Variants in THSD7B observed in about 807,000 individuals in gnomAD.
THSD7B encodes thrombospondin type 1 domain containing 7B.
Under a neutral mutation model 213.6 loss-of-function variants are expected in THSD7B, and 138 were observed. That is an observed-to-expected ratio of 0.65 (90% CI 0.56 to 0.74). The LOEUF (loss-of-function observed/expected upper bound fraction) is 0.74. Ranked by LOEUF, THSD7B falls within the 30% of genes least tolerant of loss-of-function variation. The probability of loss-of-function intolerance (pLI) is 0.00; values close to 1 mark genes in which losing one functional copy is unlikely to be tolerated. For synonymous variants in THSD7B, 742 were observed against 687.0 expected (o/e 1.08, Z -1.25); for missense variants, 1,931 against 1,991.5 (o/e 0.97, Z 0.58).
chr2:137,481,096 C>G (rs372831088), intron 15 of THSD7B, among the ~76,000 whole-genome samples: 1 of 152,202 alleles, frequency 6.6e-6, no homozygotes, highest in African/African-American at 2.4e-5. Flanking sequence ...AGAGAACGAC[C>G]TTTATCAGAC....
At chr2:136,893,532 G>A (rs1322735721) in intron 2 of THSD7B, among the ~76,000 whole-genome samples, 4 of 152,134 alleles carry the variant, frequency 2.6e-5, no homozygotes, top group African/African-American at 7.2e-5. Context: ...ACATATCAGA[G>A]TGGAATTGAA....
Position 137,303,296 on chromosome 2 carries a change from A to G in THSD7B, c.2500+27270A>G, listed in dbSNP as rs115729368. 2.3e-3 allele frequency among the ~76,000 whole-genome samples: 343 copies of G among 152,314 alleles called. 2 individuals are homozygous for G. The highest frequency in any genetic ancestry group is 8.0e-3 in the African/African-American group (331 of 41,592). On this transcript the variant is annotated intron_variant, in intron 12 of 27. Transcript: ENST00000409968. ...TTCAGCCTCCCAAAGTTTTGAGATG[A>G]CAGGCATGAGCCACTGCCTCCAGCC...
At chr2:137,444,940 T>C (rs774542381) in intron 14 of THSD7B, among the ~76,000 whole-genome samples, 1 of 151,750 alleles carries the variant, frequency 6.6e-6, no homozygotes, top group African/African-American at 2.4e-5. Flanking sequence ...AGTTGAAAAA[T>C]AGGCAAAACA....
intron 1 of THSD7B, among the ~76,000 whole-genome samples, chr2:136,805,393 C>T (rs1355469745): frequency 6.6e-6 from 1 of 152,192 alleles, no homozygotes; most frequent in Admixed American, 6.5e-5. Context: ...TTTGCATCCC[C>T]ACCAATAGGA....
chr2:136,884,185 C>A (rs959324892), intron 2 of THSD7B, among the ~76,000 whole-genome samples: 2 of 152,088 alleles, frequency 1.3e-5, no homozygotes, highest in Non-Finnish European at 2.9e-5. Context: ...ACAGCACATG[C>A]GAAGTCGGCA....
At chr2:136,954,740 T>TAAAAAAAAAAAAA (rs773677139) in intron 2 of THSD7B, among the ~76,000 whole-genome samples, 1 of 137,450 alleles carries the variant, frequency 7.3e-6, no homozygotes, top group African/African-American at 3.1e-5. Flanking sequence ...AAAAAGAAAT[T>TAAAAAAAAAAAAA]ACATAAGAGC....
chr2:137,657,087 A>G lies in THSD7B; in HGVS notation c.4302A>G (p.Thr1434=). ...PCTGGKCYHY[T]WKASLWNNNE... Reference sequence around the variant, plus strand: ...CAGGAGGCAAATGTTATCACTACACATGGAAAGCAAGTCTTTGGAACAATA... The same window carrying G: ...CAGGAGGCAAATGTTATCACTACACGTGGAAAGCAAGTCTTTGGAACAATA... The change falls in exon 24 of 28, where the codon ACA becomes ACG. Residue 1434 remains threonine (T), a synonymous_variant. Coordinates refer to ENST00000409968, the MANE Select transcript of THSD7B (RefSeq NM_001316349.2). The G allele has an allele frequency of 6.2e-7, 1 of 1,614,040 alleles. No homozygotes were observed. The highest frequency in any genetic ancestry group is 8.5e-7 in the Non-Finnish European group (1 of 1,179,894).
chr2:137,576,183 A>G (rs1681457013), intron 17 of THSD7B, among the ~76,000 whole-genome samples: 1 of 152,080 alleles, frequency 6.6e-6, no homozygotes, highest in African/African-American at 2.4e-5. Flanking sequence ...CAGATTTTCT[A>G]TTTATATCTC....
At chr2:137,244,471 A>C (rs1681981194) in intron 10 of THSD7B, among the ~76,000 whole-genome samples, 1 of 152,158 alleles carries the variant, frequency 6.6e-6, no homozygotes, top group Non-Finnish European at 1.5e-5. Context: ...CTGCTAGTCC[A>C]CCTATTCTAC....
intron 2 of THSD7B, among the ~76,000 whole-genome samples, chr2:136,912,981 T>C (rs1432501507): frequency 1.3e-5 from 2 of 152,036 alleles, no homozygotes; most frequent in Admixed American, 6.6e-5. Context: ...CAGACAGAGA[T>C]TGGAAGAGTT....
rs144850946 is a variant in THSD7B at position 137,181,261 on chromosome 2, C to T, written c.1723+10323C>T. ...AGCTCTTTAGGGATAAACAGCTTTTCACTCCTTCATCGTAGAGATATTCCT... is the reference window on the plus strand; with the variant it reads ...AGCTCTTTAGGGATAAACAGCTTTTTACTCCTTCATCGTAGAGATATTCCT... On this transcript the variant is annotated intron_variant, in intron 7 of 27. Coordinates refer to ENST00000409968, the MANE Select transcript of THSD7B (RefSeq NM_001316349.2). Among the ~76,000 whole-genome samples the T allele has an allele frequency of 4.5e-4, 68 of 152,288 alleles. No individual in the cohort carries two copies. In the East Asian group the frequency reaches 0.011, roughly 24 times the overall value.
chr2:137,398,386 A>G (rs1686252355), intron 12 of THSD7B, among the ~76,000 whole-genome samples: 1 of 148,722 alleles, frequency 6.7e-6, no homozygotes, highest in African/African-American at 2.5e-5. Flanking sequence ...TCTAACAGAC[A>G]GGACCCTCAG....
intron 15 of THSD7B, chr2:137,538,418 T>A (rs1027068077): frequency 2.1e-6 from 1 of 483,260 alleles, no homozygotes; most frequent in Non-Finnish European, 4.0e-6. Context: ...ATAATAGCAG[T>A]TCCACTAATG....
chr2:136,954,714 C>CAAAAA (rs11378111), intron 2 of THSD7B, among the ~76,000 whole-genome samples: 5 of 89,384 alleles, frequency 5.6e-5, no homozygotes, highest in African/African-American at 1.7e-4. Flanking sequence ...GACTCTGTCT[C>CAAAAA]AAAAAAAAAA....
chr2:136,870,333 C>T (rs145819707), intron 1 of THSD7B, among the ~76,000 whole-genome samples: 6 of 152,058 alleles, frequency 3.9e-5, no homozygotes, highest in African/African-American at 1.4e-4. Context: ...AAAACTTCCT[C>T]GAAAAAATTA....
intron 14 of THSD7B, among the ~76,000 whole-genome samples, chr2:137,436,297 A>T (rs1025697286): frequency 3.9e-5 from 6 of 152,198 alleles, no homozygotes; most frequent in Admixed American, 2.6e-4. Context: ...CTCTTTATTA[A>T]CTAATTTATT....
chr2:137,337,984 A>T (rs1031178561), intron 12 of THSD7B, among the ~76,000 whole-genome samples: 2 of 152,062 alleles, frequency 1.3e-5, no homozygotes, highest in African/African-American at 4.8e-5. Flanking sequence ...AGTGCTATAT[A>T]CAAATAACCC....
intron 10 of THSD7B, among the ~76,000 whole-genome samples, chr2:137,259,914 T>A (rs376034858): frequency 2.0e-5 from 3 of 151,854 alleles, no homozygotes; most frequent in African/African-American, 7.3e-5. Context: ...TTTATTTGTG[T>A]GTGTGCGTGT....
chr2:136,904,419 G>A (rs1197640111), intron 2 of THSD7B, among the ~76,000 whole-genome samples: 1 of 152,226 alleles, frequency 6.6e-6, no homozygotes, highest in African/African-American at 2.4e-5. Flanking sequence ...CCCAACCACT[G>A]GAAGGGTTTC....
Sources: allele counts gnomAD v4.1 joint callset (sites outside exome capture counted in the v4.1 genomes callset), GRCh38; gene constraint gnomAD v4.1.1; transcripts MANE v1.5; gene names NCBI Gene and HGNC (gene_info 2026-07-23, HGNC 2026-07-21).